TICRR: variants seen among roughly 807,000 people sequenced by gnomAD.
The protein encoded by TICRR is TOPBP1 interacting checkpoint and replication regulator.
TICRR carries 132 observed loss-of-function variants against 178.1 expected under a neutral mutation model. That is an observed-to-expected ratio of 0.74 (90% CI 0.64 to 0.86). The LOEUF is 0.86. TICRR is among the 40% of genes least tolerant of loss of function. TICRR has a pLI of 0.00. For synonymous variants in TICRR, 991 were observed against 900.7 expected, an observed-to-expected ratio of 1.10 and a Z score of -1.79; for missense variants, 2,587 against 2,334.3, an observed-to-expected ratio of 1.11 and a Z score of -2.23.
intron 18 of TICRR, among the ~76,000 whole-genome samples, chr15:89,620,112 C>A (rs934012602): frequency 6.6e-6 from 1 of 152,230 alleles, no homozygotes; most frequent in African/African-American, 2.4e-5. Flanking sequence ...CCCATAAGGA[C>A]AGAACCTACA....
In TICRR at chr15:89,624,226, G is replaced by A. The variant is rs1408198588; in HGVS notation, c.3916G>A (p.Val1306Ile). The change falls in exon 20 of 22, where the codon GTT becomes ATT. Residue 1306 changes from valine (V) to isoleucine (I), a missense_variant. Val to Ile is a conservative substitution (Grantham distance 29). Coordinates refer to ENST00000268138, the MANE Select transcript of TICRR (RefSeq NM_152259.4). ...TTCAACTGTGACTTCTTCCCCACCT[G>A]TTACGCCAAAGAAACTGTTTACCTC... Reference protein sequence around the residue: ...GNSTVTSSPPVTPKKLFTSPL... With the variant: ...GNSTVTSSPPITPKKLFTSPL... 1 of 1,613,996 alleles carries A rather than the reference G, an allele frequency of 6.2e-7. No individual in the cohort carries two copies. Among genetic ancestry groups the A allele is most frequent in the East Asian group, 2.2e-5 (1 of 44,890 alleles).
chr15:89,586,248 T>C (rs571386027), intron 4 of TICRR, among the ~76,000 whole-genome samples: 2 of 152,328 alleles, frequency 1.3e-5, no homozygotes, highest in African/African-American at 4.8e-5. Context: ...ACTACTAGCA[T>C]TGCAACTAAA....
At chr15:89,623,091 CA>C (rs1260485340) in intron 19 of TICRR, among the ~76,000 whole-genome samples, 5 of 152,304 alleles carry the variant, frequency 3.3e-5, no homozygotes, top group African/African-American at 1.2e-4. Flanking sequence ...TGCAAGAAGG[CA>C]GGGAAATTTT....
At chr15:89,581,099 C>T (rs1204922094) in intron 1 of TICRR, among the ~76,000 whole-genome samples, 2 of 152,210 alleles carry the variant, frequency 1.3e-5, no homozygotes, top group African/African-American at 4.8e-5. Context: ...ACTTGTCTAT[C>T]ATTGCCTTGC....
rs761298911 is a variant in TICRR at position 89,625,484 on chromosome 15, T to G, written c.5174T>G (p.Leu1725Arg). The G allele has an allele frequency of 5.6e-6, 9 of 1,613,848 alleles. No homozygotes were observed. In the South Asian group the frequency reaches 9.9e-5, roughly 18 times the overall value. ...GAGTCAGAGGGCAAGGACCACGGCC[T>G]TGAACTCAGCATCCACAGGACGCCC... ...LLESEGKDHG[L>R]ELSIHRTPIL... Residue 1725 changes from leucine to arginine, a missense_variant, in exon 20 of 22, where the codon CTT becomes CGT. Transcript: ENST00000268138.
At chr15:89,597,119 A>G (rs1434825519) in intron 7 of TICRR, among the ~76,000 whole-genome samples, 1 of 152,174 alleles carries the variant, frequency 6.6e-6, no homozygotes, top group Non-Finnish European at 1.5e-5. Context: ...CATCAAGTTT[A>G]TTAATGTTTG....
At chr15:89,598,115 TTC>T (rs1963028842) in intron 7 of TICRR, among the ~76,000 whole-genome samples, 2 of 142,952 alleles carry the variant, frequency 1.4e-5, no homozygotes, top group Non-Finnish European at 3.1e-5. Context: ...CACTTGTTAG[TTC>T]CAGGAGTTTT....
At chr15:89,626,617 G>C (rs1272349746) in intron 21 of TICRR, among the ~76,000 whole-genome samples, 1 of 152,046 alleles carries the variant, frequency 6.6e-6, no homozygotes, top group Non-Finnish European at 1.5e-5. Context: ...GCCTTTGGTG[G>C]TTCAGTTCCC....
At chr15:89,576,796 C>G (rs1285278670) in intron 1 of TICRR, among the ~76,000 whole-genome samples, 1 of 137,060 alleles carries the variant, frequency 7.3e-6, no homozygotes, top group African/African-American at 2.7e-5. Flanking sequence ...ACACAATACC[C>G]AGGGGTGTGT....
rs747429230 is a variant in TICRR, at chr15:89,624,283, T to C, written c.3973T>C (p.Phe1325Leu). ...PLCDVSKKSPFRKSKIECPSP... is the reference protein window; with the variant it reads ...PLCDVSKKSPLRKSKIECPSP... ...ATGTGATGTCTCCAAGAAGAGTCCATTTAGGAAATCTAAAATAGAGTGTCC... is the reference window on the plus strand; with the variant it reads ...ATGTGATGTCTCCAAGAAGAGTCCACTTAGGAAATCTAAAATAGAGTGTCC... Residue 1325 changes from phenylalanine (F) to leucine (L), a missense_variant, in exon 20 of 22, where the codon TTT becomes CTT. Coordinates refer to ENST00000268138, the MANE Select transcript of TICRR (RefSeq NM_152259.4). The C allele has an allele frequency of 1.2e-6, 2 of 1,614,200 alleles. No individual in the cohort carries two copies. Among genetic ancestry groups the C allele is most frequent in the Non-Finnish European group, 1.7e-6 (2 of 1,180,042 alleles).
At chr15:89,584,996 G>A (rs1962796063) in intron 3 of TICRR, among the ~76,000 whole-genome samples, 1 of 152,212 alleles carries the variant, frequency 6.6e-6, no homozygotes, top group African/African-American at 2.4e-5. Flanking sequence ...ATGTAGAAAT[G>A]TCTTCTGAAA....
intron 15 of TICRR, among the ~76,000 whole-genome samples, chr15:89,612,081 A>G (rs1409005689): frequency 6.6e-6 from 1 of 152,220 alleles, no homozygotes; most frequent in Non-Finnish European, 1.5e-5. Context: ...TAGGGATATT[A>G]TAATGTGGTA....
At position 89,585,773 on chromosome 15, in the gene TICRR, C is replaced by T. The variant is rs1962810956; in HGVS notation, c.1242C>T (p.Ala414=). ...CTGGAGTTATTTCCCCACTCTCTGC[C>T]AGTGCTATGATCCTCACTGTGTGCC... ...PITGVISPLS[A]SAMILTVCRT... is the part of the protein sequence containing the mutation. The change falls in exon 4 of 22, where the codon GCC becomes GCT. Residue 414 remains alanine, a synonymous_variant. Transcript: ENST00000268138. The T allele has an allele frequency of 1.2e-6, 2 of 1,614,036 alleles. No homozygotes were observed. The highest frequency in any genetic ancestry group is 1.7e-6 in the Non-Finnish European group (2 of 1,180,034).
chr15:89,625,625 C>T lies in TICRR; in HGVS notation c.5315C>T (p.Ser1772Phe). The change falls in exon 20 of 22, where the codon TCC (serine) becomes TTC (phenylalanine). Residue 1772 changes from serine (S) to phenylalanine (F), a missense_variant. Coordinates refer to ENST00000268138, the MANE Select transcript of TICRR (RefSeq NM_152259.4). ...ASSWGQFGLS[S>F]RKRVLLAKEE... Reference sequence around the variant, plus strand: ...TCCTGGGGACAGTTTGGGTTGAGTTCCAGGAAGAGAGTCCTGTTGGCCAAG... The same window carrying T: ...TCCTGGGGACAGTTTGGGTTGAGTTTCAGGAAGAGAGTCCTGTTGGCCAAG... 1 of 1,613,302 alleles carries T rather than the reference C, an allele frequency of 6.2e-7. No individual in the cohort carries two copies. The highest frequency in any genetic ancestry group is 8.5e-7 in the Non-Finnish European group (1 of 1,180,000).
chr15:89,605,602 G>A (rs1221501624), intron 13 of TICRR, among the ~76,000 whole-genome samples: 6 of 152,042 alleles, frequency 3.9e-5, no homozygotes, highest in Admixed American at 1.3e-4. Context: ...CTCGTGATCC[G>A]CCCACTCGAC....
At chr15:89,600,154 A>T (rs929288900) in intron 8 of TICRR, among the ~76,000 whole-genome samples, 9 of 152,146 alleles carry the variant, frequency 5.9e-5, no homozygotes, top group African/African-American at 2.2e-4. Flanking sequence ...ACTGAAACAG[A>T]TCTCTGGGGT....
Position 89,584,271 on chromosome 15 carries a change from A to G in TICRR, c.935-15A>G. The stretch of plus-strand genomic sequence containing the variant: ...TTTAATTTGGCATCCTGGTCTAATT[A>G]ATCTTTATTTCTAGCAGGCAAAGAG... On this transcript the variant is annotated splice_polypyrimidine_tract_variant and intron_variant, in intron 2 of 21. Transcript: ENST00000268138. 3 of 1,585,716 alleles carry G rather than the reference A, an allele frequency of 1.9e-6. No homozygotes were observed. Among genetic ancestry groups the G allele is most frequent in the Non-Finnish European group, 2.6e-6 (3 of 1,167,340 alleles).
intron 7 of TICRR, among the ~76,000 whole-genome samples, chr15:89,597,599 C>G (rs1963019997): frequency 6.6e-6 from 1 of 151,696 alleles, no homozygotes; most frequent in Non-Finnish European, 1.5e-5. Flanking sequence ...ATTGATCTCT[C>G]TATTCTTTTG....
rs1162998560 is a variant in TICRR at position 89,599,333 on chromosome 15, C to A, written c.1910C>A (p.Thr637Asn). Residue 637 changes from threonine to asparagine, a missense_variant, in exon 8 of 22, where the codon ACT (threonine) becomes AAT (asparagine). Physicochemically the swap from Thr to Asn is moderately conservative, Grantham distance 65 (BLOSUM62 0). Coordinates refer to ENST00000268138, the MANE Select transcript of TICRR (RefSeq NM_152259.4). ...TTTATTTTTTTCTCAGATTTTAAAACTGAGGAAGAGCTGCTATCATATATA... is the reference window on the plus strand; with the variant it reads ...TTTATTTTTTTCTCAGATTTTAAAAATGAGGAAGAGCTGCTATCATATATA... ...LRSSKPKDFK[T>N]EEELLSYIRE... 8 of 1,598,112 alleles carry A rather than the reference C, an allele frequency of 5.0e-6. No individual in the cohort carries two copies. Among genetic ancestry groups the A allele is most frequent in the Non-Finnish European group, 6.8e-6 (8 of 1,175,164 alleles).
Sources: gnomAD v4.1 joint callset for allele counts (sites outside exome capture counted in the v4.1 genomes callset) on GRCh38, gnomAD v4.1.1 for gene constraint, MANE v1.5 for transcripts, NCBI Gene and HGNC (gene_info 2026-07-23, HGNC 2026-07-21) for gene names.